The following MYH14 variants were observed in gnomAD, a reference collection of about 807,000 sequenced individuals.
MYH14 encodes myosin heavy chain 14.
MYH14 carries 123 observed loss-of-function variants against 255.5 expected under a neutral mutation model. The observed-to-expected ratio is 0.48, with a 90% confidence interval of 0.42 to 0.56. MYH14 has a LOEUF of 0.56. MYH14 is among the 20% of genes least tolerant of loss of function. MYH14 has a pLI of 0.00. For missense variants in MYH14, 2,423 were observed against 2,802.3 expected (o/e 0.86, Z 3.06); for synonymous variants, 1,095 against 1,161.2 (o/e 0.94, Z 1.16).
intron 40 of MYH14, among the ~76,000 whole-genome samples, chr19:50,305,924 C>T (rs2036637108): frequency 6.6e-6 from 1 of 151,972 alleles, no homozygotes; most frequent in Non-Finnish European, 1.5e-5. Context: ...AGAGCAAGGC[C>T]CTTTCTCAGA....
intron 24 of MYH14, among the ~76,000 whole-genome samples, chr19:50,269,701 C>G (rs1429694735): frequency 6.6e-6 from 1 of 152,138 alleles, no homozygotes; most frequent in African/African-American, 2.4e-5. Context: ...GGAGGTGACC[C>G]CTGGGTGCCG....
intron 3 of MYH14, among the ~76,000 whole-genome samples, chr19:50,219,908 A>G (rs2032722925): frequency 6.6e-6 from 1 of 152,112 alleles, no homozygotes; most frequent in African/African-American, 2.4e-5. Context: ...TACATCATAT[A>G]ACATATAATA....
Position 50,244,320 on chromosome 19 carries a change from C to T in MYH14, c.1193C>T (p.Thr398Ile), listed in dbSNP as rs933921217. Residue 398 changes from threonine to isoleucine, a missense_variant, in exon 11 of 43, where the codon ACC becomes ATC. This residue lies in a region of MYH14 where 672 missense variants were observed against 881.8 expected (regional missense o/e 0.76). Transcript: ENST00000642316. ...AGAGAACGGAACACCGATCAAGCCA[C>T]CATGCCTGACAACACAGGTACTGCC... ...LKRERNTDQATMPDNTAAQKL... is the reference protein window; with the variant it reads ...LKRERNTDQAIMPDNTAAQKL... 6.2e-7 allele frequency: 1 copy of T among 1,613,594 alleles called. No homozygotes were observed. Among genetic ancestry groups the T allele is most frequent in the Non-Finnish European group, 8.5e-7 (1 of 1,179,842 alleles).
intron 19 of MYH14, among the ~76,000 whole-genome samples, chr19:50,260,389 C>A (rs1447556311): frequency 6.6e-6 from 1 of 152,194 alleles, no homozygotes; most frequent in Non-Finnish European, 1.5e-5. Context: ...CTGACCACTG[C>A]ACTCCAGCCT....
intron 24 of MYH14, among the ~76,000 whole-genome samples, chr19:50,269,806 C>T (rs2035227650): frequency 6.6e-6 from 1 of 152,122 alleles, no homozygotes; most frequent in Non-Finnish European, 1.5e-5. Context: ...TGCCTGGTCC[C>T]CAGGATAAGG....
intron 39 of MYH14, among the ~76,000 whole-genome samples, chr19:50,300,064 C>T (rs983092561): frequency 6.6e-6 from 1 of 152,056 alleles, no homozygotes; most frequent in African/African-American, 2.4e-5. Flanking sequence ...AAACTAAAGA[C>T]ATACAAGGAA....
chr19:50,265,969 T>C (rs1254718684), intron 22 of MYH14, among the ~76,000 whole-genome samples: 1 of 152,152 alleles, frequency 6.6e-6, no homozygotes, highest in Admixed American at 6.6e-5. Flanking sequence ...TAGGATTTGA[T>C]TGGCATCATT....
Position 50,225,614 on chromosome 19 carries a change from C to T in MYH14, c.747C>T (p.Ala249=), listed in dbSNP as rs757614364. The stretch of plus-strand genomic sequence containing the variant: ...AGCTGGAGCGGCAGCTGCTTCAGGC[C>T]AACCCCATCCTAGAGGCCTTTGGCA... ...YGELERQLLQ[A]NPILEAFGNA... is the part of the protein sequence containing the mutation. The change falls in exon 7 of 43, where the codon GCC becomes GCT. Residue 249 remains alanine, a synonymous_variant. Coordinates refer to ENST00000642316, the MANE Select transcript of MYH14 (RefSeq NM_001145809.2). 6.2e-7 allele frequency: 1 copy of T among 1,613,550 alleles called. No homozygotes were observed. The highest frequency in any genetic ancestry group is 8.5e-7 in the Non-Finnish European group (1 of 1,179,826).
intron 7 of MYH14, among the ~76,000 whole-genome samples, chr19:50,226,618 C>G (rs1427819077): frequency 6.7e-6 from 1 of 149,436 alleles, no homozygotes; most frequent in Non-Finnish European, 1.5e-5. Flanking sequence ...GCCCGGATCC[C>G]TGGGTCTGAG....
At chr19:50,219,054 C>A (rs112825035) in intron 3 of MYH14, among the ~76,000 whole-genome samples, 4,177 of 140,262 alleles carry the variant, frequency 0.03, 120 homozygotes, top group African/African-American at 0.076. Flanking sequence ...CTCTCTCTCT[C>A]TATATATATA....
At chr19:50,281,553 A>G (rs1396291170) in intron 32 of MYH14, 41 bp from the exon 33 acceptor site, 3 of 1,536,072 alleles carry the variant, frequency 2.0e-6, no homozygotes, top group Non-Finnish European at 2.6e-6. Flanking sequence ...TTGGTCACTC[A>G]TGGCCGTGAC....
In MYH14 at chr19:50,303,046, C is replaced by T. The variant is rs369283844; in HGVS notation, c.5678+1177C>T. 1.8e-4 allele frequency among the ~76,000 whole-genome samples: 28 copies of T among 152,282 alleles called. No individual in the cohort carries two copies. In the East Asian group the frequency reaches 3.7e-3, roughly 20 times the overall value. ...GCAGTCTCACTACGAGTATTATTTA[C>T]GTAATAACGTGCCAGTTAGTTATAG... On this transcript the variant is annotated intron_variant, in intron 40 of 42. Transcript: ENST00000642316.
At chr19:50,268,064 C>T (rs1424453251) in intron 23 of MYH14, 97 bp from the exon 24 acceptor site, 1 of 1,457,874 alleles carries the variant, frequency 6.9e-7, no homozygotes, top group African/African-American at 1.4e-5. Context: ...CCCTGGAGAA[C>T]TTAAAGGCCA....
chr19:50,290,781 C>T, intron 35 of MYH14, 106 bp from the exon 36 acceptor site: 1 of 1,214,224 alleles, frequency 8.2e-7, no homozygotes, highest in East Asian at 2.6e-5. Flanking sequence ...AGGAGCGGGG[C>T]TTGCAGCCTG....
intron 1 of MYH14, among the ~76,000 whole-genome samples, chr19:50,209,980 C>A (rs563883577): frequency 5.4e-4 from 82 of 150,792 alleles, no homozygotes; most frequent in Non-Finnish European, 1.0e-3. Context: ...CGCCTGTAAT[C>A]CCAGCTACTT....
intron 42 of MYH14, 132 bp from the exon 43 acceptor site, chr19:50,309,508 T>C: frequency 1.5e-6 from 1 of 684,552 alleles, no homozygotes; most frequent in Admixed American, 2.3e-5. Flanking sequence ...CTCATCCCTC[T>C]CTTCCCCCTT....
chr19:50,246,443 G>A (rs1028482709), intron 11 of MYH14, among the ~76,000 whole-genome samples: 4 of 152,050 alleles, frequency 2.6e-5, no homozygotes, highest in Admixed American at 6.6e-5. Flanking sequence ...ACCGTGCCCC[G>A]CCTCCAGTGT....
intron 21 of MYH14, among the ~76,000 whole-genome samples, chr19:50,262,951 G>A (rs1233402147): frequency 6.6e-6 from 1 of 152,050 alleles, no homozygotes; most frequent in African/African-American, 2.4e-5. Context: ...TGTAATCTCA[G>A]CACTTTGGGA....
At chr19:50,249,602 C>CTCTGTCCCCTGTCTCTGGGTG (rs753822474) in intron 13 of MYH14, 48 bp from the exon 14 acceptor site, 2 of 1,611,676 alleles carry the variant, frequency 1.2e-6, no homozygotes, top group Admixed American at 1.7e-5. Flanking sequence ...GTCTCTGGGT[C>CTCTGTCCCCTGTCTCTGGGTG]TCTGTCCCTC....
Sources: gnomAD v4.1 joint callset for allele counts (sites outside exome capture counted in the v4.1 genomes callset) on GRCh38, gnomAD v4.1.1 for gene constraint, gnomAD v4.1.1 regional missense constraint, MANE v1.5 for transcripts, NCBI Gene and HGNC (gene_info 2026-07-23, HGNC 2026-07-21) for gene names.